The following GHR variants were observed in gnomAD, a reference collection of about 807,000 sequenced individuals.
The protein encoded by GHR is growth hormone receptor, also known as GH receptor.
In GHR, 35 loss-of-function variants were observed where a neutral mutation model predicts 67.1. The observed-to-expected ratio is 0.52, with a 90% confidence interval of 0.40 to 0.69. GHR has a LOEUF of 0.69. Ranked by LOEUF, GHR falls within the 30% of genes least tolerant of loss-of-function variation. The pLI is 0.00. For missense variants in GHR, 792 were observed against 764.6 expected (o/e 1.04, Z -0.42); for synonymous variants, 272 against 269.1 (o/e 1.01, Z -0.10).
chr5:42,689,156 G>GA, intron 4 of GHR, 137 bp downstream of exon 4: 9 of 854,276 alleles, frequency 1.1e-5, no homozygotes, highest in Non-Finnish European at 1.6e-5. Flanking sequence ...CTCATTTATT[G>GA]AAAAAAATAT....
chr5:42,628,393 G>T (rs1224861174), intron 2 of GHR, among the ~76,000 whole-genome samples: 1 of 138,466 alleles, frequency 7.2e-6, no homozygotes, highest in East Asian at 2.0e-4. Context: ...AGTATTCACA[G>T]TCTCAAGGAG....
chr5:42,658,228 A>C (rs1305518569), intron 3 of GHR, among the ~76,000 whole-genome samples: 1 of 152,224 alleles, frequency 6.6e-6, no homozygotes, highest in African/African-American at 2.4e-5. Context: ...CATAAAAAGA[A>C]AATCCAAATA....
intron 2 of GHR, among the ~76,000 whole-genome samples, chr5:42,572,165 C>T (rs1251242853): frequency 1.3e-5 from 2 of 152,138 alleles, no homozygotes; most frequent in African/African-American, 4.8e-5. Context: ...AAACCTTAAC[C>T]TTACACTGTA....
At chr5:42,445,701 A>G (rs1264922288) in intron 1 of GHR, among the ~76,000 whole-genome samples, 1 of 152,232 alleles carries the variant, frequency 6.6e-6, no homozygotes, top group African/African-American at 2.4e-5. Flanking sequence ...TGATTTAAAA[A>G]CACATTTGAA....
At position 42,485,761 on chromosome 5, in the gene GHR, T is replaced by C. The variant is rs1745851353; in HGVS notation, c.-12+61806T>C. ...AATGCAGTTTTACATAGATTCATTA[T>C]TACTGTGCATGGAGATTAGAAGCCA... On this transcript the variant is annotated intron_variant, in intron 1 of 9. Coordinates refer to ENST00000230882, the MANE Select transcript of GHR (RefSeq NM_000163.5). Among the ~76,000 whole-genome samples the C allele has an allele frequency of 2.0e-5, 3 of 152,384 alleles. No homozygotes were observed. In the South Asian group the frequency reaches 6.2e-4, roughly 32 times the overall value.
intron 2 of GHR, among the ~76,000 whole-genome samples, chr5:42,615,768 G>C (rs1425957078): frequency 1.3e-5 from 2 of 151,176 alleles, no homozygotes; most frequent in Non-Finnish European, 2.9e-5. Flanking sequence ...AGAATTAATT[G>C]AGTTGTAATC....
chr5:42,598,189 G>A (rs1396937031), intron 2 of GHR, among the ~76,000 whole-genome samples: 1 of 152,168 alleles, frequency 6.6e-6, no homozygotes, highest in Non-Finnish European at 1.5e-5. Flanking sequence ...ATGTATGTAA[G>A]TATTGTTCAG....
At chr5:42,688,553 C>T (rs887926049) in intron 3 of GHR, among the ~76,000 whole-genome samples, 6 of 152,062 alleles carry the variant, frequency 3.9e-5, no homozygotes, top group Middle Eastern at 3.2e-3. Context: ...CCTCCCCATT[C>T]CCTGACTGCT....
intron 1 of GHR, among the ~76,000 whole-genome samples, chr5:42,430,620 G>GTGTGTT (rs907294480): frequency 5.9e-5 from 9 of 151,538 alleles, no homozygotes; most frequent in African/African-American, 2.2e-4. Context: ...GTGTGTGTGT[G>GTGTGTT]TGTGTGTGTG....
At chr5:42,635,007 C>CA (rs200793751) in intron 3 of GHR, among the ~76,000 whole-genome samples, 4,382 of 132,924 alleles carry the variant, frequency 0.033, 118 homozygotes, top group East Asian at 0.15. Flanking sequence ...TTACCAAAAA[C>CA]AAAAAAAAAA....
intron 2 of GHR, among the ~76,000 whole-genome samples, chr5:42,573,267 C>T (rs1750436733): frequency 6.6e-6 from 1 of 152,108 alleles, no homozygotes; most frequent in South Asian, 2.1e-4. Flanking sequence ...ATTAGTATCC[C>T]CTTATAGTGG....
intron 1 of GHR, among the ~76,000 whole-genome samples, chr5:42,547,727 G>C (rs921462545): frequency 1.3e-5 from 2 of 152,142 alleles, no homozygotes; most frequent in Non-Finnish European, 2.9e-5. Context: ...CAGTTTTCTA[G>C]GGGTTTTCTG....
chr5:42,548,085 C>T, intron 1 of GHR: 1 of 985,404 alleles, frequency 1.0e-6, no homozygotes, highest in Non-Finnish European at 1.2e-6. Context: ...TAATAGGCCT[C>T]ATGAGACTCC....
intron 6 of GHR, among the ~76,000 whole-genome samples, chr5:42,706,577 G>A (rs1405023293): frequency 1.3e-5 from 2 of 152,112 alleles, no homozygotes; most frequent in African/African-American, 2.4e-5. Flanking sequence ...CATGTTGAAA[G>A]GAAGGGGTCC....
At chr5:42,668,162 C>A (rs1221439611) in intron 3 of GHR, among the ~76,000 whole-genome samples, 1 of 151,938 alleles carries the variant, frequency 6.6e-6, no homozygotes, top group Non-Finnish European at 1.5e-5. Flanking sequence ...AAAAAATATC[C>A]AAAAGACTTA....
At chr5:42,578,235 C>T (rs1207267362) in intron 2 of GHR, among the ~76,000 whole-genome samples, 1 of 152,104 alleles carries the variant, frequency 6.6e-6, no homozygotes, top group Admixed American at 6.5e-5. Flanking sequence ...CAAAATGGCT[C>T]CTGCTTGAGA....
At chr5:42,469,949 A>G (rs1228413875) in intron 1 of GHR, among the ~76,000 whole-genome samples, 1 of 151,854 alleles carries the variant, frequency 6.6e-6, no homozygotes, top group Non-Finnish European at 1.5e-5. Flanking sequence ...TTAGTCTCAC[A>G]GTAATTTAAG....
intron 1 of GHR, among the ~76,000 whole-genome samples, chr5:42,565,220 T>C (rs1012912519): frequency 6.6e-6 from 1 of 152,206 alleles, no homozygotes; most frequent in Non-Finnish European, 1.5e-5. Flanking sequence ...CTTTCAGATC[T>C]GTATTCCTCA....
chr5:42,693,382 G>A (rs749945257), intron 4 of GHR, among the ~76,000 whole-genome samples: 5 of 151,700 alleles, frequency 3.3e-5, no homozygotes, highest in Admixed American at 1.3e-4. Flanking sequence ...CCCATGATCC[G>A]CCTGCCTCAG....
Sources: gnomAD v4.1 joint callset for allele counts (sites outside exome capture counted in the v4.1 genomes callset) on GRCh38, gnomAD v4.1.1 for gene constraint, MANE v1.5 for transcripts, NCBI Gene and HGNC (gene_info 2026-07-23, HGNC 2026-07-21) for gene names.